Variants in C2orf69 observed in about 807,000 individuals in gnomAD.
The protein encoded by C2orf69 is chromosome 2 open reading frame 69.
In C2orf69, 19 loss-of-function variants were observed where a neutral mutation model predicts 29.5. That is an observed-to-expected ratio of 0.65 (90% CI 0.45 to 0.95). C2orf69 has a LOEUF of 0.95. Ranked by LOEUF, C2orf69 falls within the 40% of genes least tolerant of loss-of-function variation. The pLI is 0.00. For missense variants in C2orf69, 416 were observed against 482.1 expected, an observed-to-expected ratio of 0.86 and a Z score of 1.28; for synonymous variants, 194 against 180.0, an observed-to-expected ratio of 1.08 and a Z score of -0.62.
At position 199,911,352 on chromosome 2, in the gene C2orf69, C is replaced by T. The variant is rs1163188841; in HGVS notation, c.-87C>T. 2.2e-6 allele frequency: 3 copies of T among 1,366,096 alleles called. No homozygotes were observed. The highest frequency in any genetic ancestry group is 3.7e-5 in the Admixed American group (1 of 26,736). The allele number at this position is 1,366,096 out of a possible 1,614,324, so 84.6% of individuals were successfully genotyped here. A position where few individuals can be genotyped will look rare whatever the true frequency, so the allele number is the denominator to read the frequency against. ...CGGGCCGCGGCCGCCGACCGTTGAG[C>T]CGCCGGCTGAGCCGCCTGCTGAAGT... is the stretch of plus-strand genomic sequence containing the variant. On this transcript the variant is annotated 5_prime_UTR_variant, in exon 1 of 2. Coordinates refer to ENST00000319974, the MANE Select transcript of C2orf69 (RefSeq NM_153689.6).
intron 1 of C2orf69, among the ~76,000 whole-genome samples, chr2:199,924,145 T>C (rs146536354): frequency 6.6e-6 from 1 of 152,284 alleles, no homozygotes; most frequent in East Asian, 1.9e-4. Flanking sequence ...TGGTGACTCA[T>C]GCCTATAATA....
intron 1 of C2orf69, among the ~76,000 whole-genome samples, chr2:199,923,452 C>T (rs756315181): frequency 2.6e-5 from 4 of 152,052 alleles, no homozygotes; most frequent in Non-Finnish European, 4.4e-5. Context: ...TATTAAATAA[C>T]GGATACCCAG....
At position 199,912,683 on chromosome 2, in the gene C2orf69, C is replaced by T. The variant is rs560215769; in HGVS notation, c.333+912C>T. On this transcript the variant is annotated intron_variant, in intron 1 of 1. Transcript: ENST00000319974. ...TGAGACGGAGTCTTGCTTAGTTGCC[C>T]AGGCTGGAGTGCAGTGGCGCAGTCT... Among the ~76,000 whole-genome samples the T allele has an allele frequency of 2.5e-4, 38 of 152,154 alleles. No individual in the cohort carries two copies. In the South Asian group the frequency reaches 7.9e-3, roughly 32 times the overall value.
chr2:199,911,731 C>A lies in C2orf69; in HGVS notation c.293C>A (p.Pro98Gln). ...GDPAKEEPQP[P>Q]PQHHVLYFPG... ...CCAGCGAAGGAGGAGCCGCAGCCGC[C>A]GCCCCAGCATCACGTCCTCTATTTC... is the stretch of plus-strand genomic sequence containing the variant. The change falls in exon 1 of 2, where the codon CCG becomes CAG. Residue 98 changes from proline to glutamine, a missense_variant. Pro to Gln is a moderately conservative substitution (Grantham distance 76). Coordinates refer to ENST00000319974, the MANE Select transcript of C2orf69 (RefSeq NM_153689.6). The A allele has an allele frequency of 6.5e-7, 1 of 1,542,122 alleles. No homozygotes were observed. The highest frequency in any genetic ancestry group is 8.7e-7 in the Non-Finnish European group (1 of 1,146,922).
At chr2:199,919,186 G>T (rs1373289375) in intron 1 of C2orf69, among the ~76,000 whole-genome samples, 1 of 151,884 alleles carries the variant, frequency 6.6e-6, no homozygotes, top group Non-Finnish European at 1.5e-5. Context: ...AACCCCGGGG[G>T]TTAAGTGATC....
chr2:199,913,583 T>C (rs770207099), intron 1 of C2orf69, among the ~76,000 whole-genome samples: 1 of 137,200 alleles, frequency 7.3e-6, no homozygotes, highest in African/African-American at 2.7e-5. Context: ...TATTATTTTC[T>C]TTTGCCCTCA....
Position 199,911,776 on chromosome 2 carries a change from C to T in C2orf69, c.333+5C>T, listed in dbSNP as rs1056419384. On this transcript the variant is annotated splice_donor_5th_base_variant and intron_variant, in intron 1 of 1. Coordinates refer to ENST00000319974, the MANE Select transcript of C2orf69 (RefSeq NM_153689.6). Reference sequence around the variant, plus strand: ...TATTTCCCTGGGGATGTGCAGGTAACTCGGGGCCTGCCTGGGTATCTGTTC... The same window carrying T: ...TATTTCCCTGGGGATGTGCAGGTAATTCGGGGCCTGCCTGGGTATCTGTTC... The T allele has an allele frequency of 3.3e-6, 5 of 1,537,970 alleles. No homozygotes were observed. The highest frequency in any genetic ancestry group is 2.0e-5 in the Admixed American group (1 of 51,004).
intron 1 of C2orf69, among the ~76,000 whole-genome samples, chr2:199,920,253 G>C (rs2077310645): frequency 6.6e-6 from 1 of 152,152 alleles, no homozygotes; most frequent in Non-Finnish European, 1.5e-5. Flanking sequence ...GGGGTGTCTG[G>C]TGCCTCTTTT....
chr2:199,919,877 A>G lies in C2orf69; in HGVS notation c.334-5185A>G, dbSNP rs149517855. Among the ~76,000 whole-genome samples the G allele has an allele frequency of 1.1e-3, 160 of 152,310 alleles. 1 individual carries two copies. The East Asian group carries it at 0.027, about 26-fold the overall frequency. Reference sequence around the variant, plus strand: ...GCAGAACACTTAGTTTGAATCTATCATTTGTCTACCAACTCTTAGAGACAC... The same window carrying G: ...GCAGAACACTTAGTTTGAATCTATCGTTTGTCTACCAACTCTTAGAGACAC... On this transcript the variant is annotated intron_variant, in intron 1 of 1. Coordinates refer to ENST00000319974, the MANE Select transcript of C2orf69 (RefSeq NM_153689.6).
chr2:199,913,207 A>G (rs186546506), intron 1 of C2orf69, among the ~76,000 whole-genome samples: 13,414 of 91,966 alleles, frequency 0.15, 1,305 homozygotes, highest in Non-Finnish European at 0.2. Flanking sequence ...TATAATATAT[A>G]ATATATTATA....
chr2:199,915,788 A>T (rs981359059), intron 1 of C2orf69, among the ~76,000 whole-genome samples: 2 of 152,126 alleles, frequency 1.3e-5, no homozygotes, highest in Non-Finnish European at 2.9e-5. Flanking sequence ...AAGTGCTGGG[A>T]TTATAGATGT....
At position 199,920,684 on chromosome 2, in the gene C2orf69, C is replaced by A. The variant is rs538236019; in HGVS notation, c.334-4378C>A. Among the ~76,000 whole-genome samples the A allele has an allele frequency of 2.0e-5, 3 of 151,954 alleles. No individual in the cohort carries two copies. The East Asian group carries it at 5.9e-4, about 30-fold the overall frequency. On this transcript the variant is annotated intron_variant, in intron 1 of 1. Transcript: ENST00000319974. ...AAAAAGTCAAATGATGGGCCAGGCGCGGTGGCTCATGCCTGTAATCCCAGC... is the reference window on the plus strand; with the variant it reads ...AAAAAGTCAAATGATGGGCCAGGCGAGGTGGCTCATGCCTGTAATCCCAGC...
At position 199,926,217 on chromosome 2, in the gene C2orf69, C is replaced by G; in HGVS notation, c.*331C>G. The G allele has an allele frequency of 5.0e-6, 1 of 201,246 alleles. No homozygotes were observed. 12.5% of individuals were successfully genotyped at this position (201,246 alleles called of 1,614,324 possible). A position where few individuals can be genotyped will look rare whatever the true frequency, so the allele number is the denominator to read the frequency against. Reference sequence around the variant, plus strand: ...CTAAAATTGTTACTGTTGGAAATAACTGATTTTCTGAGTAATGTTTTAAAC... The same window carrying G: ...CTAAAATTGTTACTGTTGGAAATAAGTGATTTTCTGAGTAATGTTTTAAAC... On this transcript the variant is annotated 3_prime_UTR_variant, in exon 2 of 2. Coordinates refer to ENST00000319974, the MANE Select transcript of C2orf69 (RefSeq NM_153689.6).
intron 1 of C2orf69, among the ~76,000 whole-genome samples, chr2:199,922,176 A>G (rs2077319485): frequency 6.6e-6 from 1 of 151,008 alleles, no homozygotes; most frequent in Non-Finnish European, 1.5e-5. Flanking sequence ...GCTCACAGCA[A>G]CCTCCACCTC....
chr2:199,925,895 G>A lies in C2orf69; in HGVS notation c.*9G>A, dbSNP rs770146706. On this transcript the variant is annotated 3_prime_UTR_variant, in exon 2 of 2. Coordinates refer to ENST00000319974, the MANE Select transcript of C2orf69 (RefSeq NM_153689.6). This position sits in a 1 kb window ranked among gnomAD's most constrained non-coding sequence, Gnocchi z 4.9. The stretch of plus-strand genomic sequence containing the variant: ...TTCATGAAGTATTTTGAGATTACAG[G>A]TATATTAATGAACTTGTTCAGTGGA... The A allele has an allele frequency of 5.1e-6, 8 of 1,559,302 alleles. No homozygotes were observed. The Admixed American group carries it at 6.9e-5, about 13-fold the overall frequency.
chr2:199,921,835 T>C (rs911389883), intron 1 of C2orf69, among the ~76,000 whole-genome samples: 4 of 151,812 alleles, frequency 2.6e-5, no homozygotes, highest in African/African-American at 4.8e-5. Flanking sequence ...ATTGGTTATA[T>C]GGATGATTTT....
At position 199,911,403 on chromosome 2, in the gene C2orf69, C is replaced by A. The variant is rs1262088417; in HGVS notation, c.-36C>A. On this transcript the variant is annotated 5_prime_UTR_variant, in exon 1 of 2. Transcript: ENST00000319974. ...CCCTCCCTCAGGAACCCCTCCGCCA[C>A]CCTCCACCTCCGAACCGCTCTCGCG... 2 of 1,444,630 alleles carry A rather than the reference C, an allele frequency of 1.4e-6. No individual in the cohort carries two copies. The highest frequency in any genetic ancestry group is 1.8e-6 in the Non-Finnish European group (2 of 1,102,040). 89.5% of individuals were successfully genotyped at this position (1,444,630 alleles called of 1,614,324 possible).
At chr2:199,922,527 A>C (rs1301004532) in intron 1 of C2orf69, among the ~76,000 whole-genome samples, 1 of 152,212 alleles carries the variant, frequency 6.6e-6, no homozygotes, top group African/African-American at 2.4e-5. Context: ...ATACATATTT[A>C]TTTATGCATA....
chr2:199,919,404 T>A (rs2077305527), intron 1 of C2orf69, among the ~76,000 whole-genome samples: 1 of 152,254 alleles, frequency 6.6e-6, no homozygotes, highest in Non-Finnish European at 1.5e-5. Context: ...CTATAGACGA[T>A]CATGCCCTAA....
Sources: gnomAD v4.1 joint callset for allele counts (sites outside exome capture counted in the v4.1 genomes callset) on GRCh38, gnomAD v4.1.1 for gene constraint, Gnocchi (gnomAD v3.1) non-coding constraint, MANE v1.5 for transcripts, NCBI Gene and HGNC (gene_info 2026-07-23, HGNC 2026-07-21) for gene names.